The following ADAMTS3 variants were observed in gnomAD, a reference collection of about 807,000 sequenced individuals.
ADAMTS3 encodes the protein A disintegrin and metalloproteinase with thrombospondin motifs 3.
A neutral mutation model predicts 129.0 loss-of-function variants in ADAMTS3; 73 were observed. The observed-to-expected ratio is 0.57, with a 90% CI of 0.47 to 0.69. The LOEUF (loss-of-function observed/expected upper bound fraction) is 0.69, where lower values mean the gene tolerates loss of function less well. Ranked by LOEUF, ADAMTS3 falls within the 30% of genes least tolerant of loss-of-function variation. The pLI is 0.00. For missense variants in ADAMTS3, 1,457 were observed against 1,514.5 expected (o/e 0.96, Z 0.63); for synonymous variants, 477 against 510.8 (o/e 0.93, Z 0.89).
chr4:72,297,347 G>C (rs1175412633), intron 18 of ADAMTS3, among the ~76,000 whole-genome samples: 1 of 152,120 alleles, frequency 6.6e-6, no homozygotes, highest in Non-Finnish European at 1.5e-5. Context: ...TAAGCATCTT[G>C]TAATGGATAA....
chr4:72,429,520 A>G (rs1722646943), intron 3 of ADAMTS3, among the ~76,000 whole-genome samples: 1 of 152,054 alleles, frequency 6.6e-6, no homozygotes, highest in South Asian at 2.1e-4. Flanking sequence ...TTGATCTTAG[A>G]CATTATTCAA....
chr4:72,353,916 T>C (rs539081892), intron 4 of ADAMTS3, among the ~76,000 whole-genome samples: 1 of 152,054 alleles, frequency 6.6e-6, no homozygotes, highest in South Asian at 2.1e-4. Flanking sequence ...GGAGTTTGCC[T>C]AATACCCCCA....
chr4:72,477,506 A>G (rs1719273681), intron 3 of ADAMTS3, among the ~76,000 whole-genome samples: 1 of 152,170 alleles, frequency 6.6e-6, no homozygotes, highest in Admixed American at 6.5e-5. Flanking sequence ...GAAAAAAGAC[A>G]CAACATACCA....
At chr4:72,465,952 A>T (rs1245873219) in intron 3 of ADAMTS3, among the ~76,000 whole-genome samples, 1 of 152,022 alleles carries the variant, frequency 6.6e-6, no homozygotes, top group Non-Finnish European at 1.5e-5. Flanking sequence ...CCATGATTGT[A>T]AGGCCTGCCC....
intron 21 of ADAMTS3, among the ~76,000 whole-genome samples, chr4:72,287,093 T>A (rs2109766382): frequency 6.6e-6 from 1 of 152,018 alleles, no homozygotes; most frequent in South Asian, 2.1e-4. Context: ...GGTGGAGCGC[T>A]TATGAATGCA....
intron 3 of ADAMTS3, among the ~76,000 whole-genome samples, chr4:72,492,716 C>A (rs79536660): frequency 6.6e-6 from 1 of 151,558 alleles, no homozygotes; most frequent in East Asian, 1.9e-4. Context: ...CAGATAGGAC[C>A]CTTTAGCTCT....
chr4:72,518,928 A>C (rs182044699), intron 3 of ADAMTS3, among the ~76,000 whole-genome samples: 239 of 152,192 alleles, frequency 1.6e-3, no homozygotes, highest in African/African-American at 5.3e-3. Flanking sequence ...GTTTCTTCCT[A>C]GTCTCAATGG....
Position 72,539,108 on chromosome 4 carries a change from T to C in ADAMTS3, c.504+9370A>G, listed in dbSNP as rs190242892. Among the ~76,000 whole-genome samples, 283 of 152,154 alleles carry C rather than the reference T, an allele frequency of 1.9e-3. 1 individual carries two copies. The highest frequency in any genetic ancestry group is 5.3e-3 in the African/African-American group (221 of 41,534). On this transcript the variant is annotated intron_variant, in intron 3 of 21. Transcript: ENST00000286657. The stretch of plus-strand genomic sequence containing the variant: ...GGCAAAAGCTTCACAACATTGAATT[T>C]TGCAATAGATTTCACATCAAAGGCA...
intron 4 of ADAMTS3, among the ~76,000 whole-genome samples, chr4:72,383,025 A>G (rs1004625016): frequency 6.6e-6 from 1 of 152,194 alleles, no homozygotes; most frequent in Non-Finnish European, 1.5e-5. Flanking sequence ...TGAATTTATA[A>G]TAAATAAGCA....
At position 72,525,832 on chromosome 4, in the gene ADAMTS3, T is replaced by C. The variant is rs567308432; in HGVS notation, c.504+22646A>G. Among the ~76,000 whole-genome samples the C allele has an allele frequency of 2.6e-5, 4 of 152,262 alleles. No homozygotes were observed. The South Asian group carries it at 8.3e-4, about 32-fold the overall frequency. Reference sequence around the variant, plus strand: ...CTCTTATAACTAAAGAGTGTGATATTTGCATTTTCTAGCAGTGGAAATTCC... The same window carrying C: ...CTCTTATAACTAAAGAGTGTGATATCTGCATTTTCTAGCAGTGGAAATTCC... On this transcript the variant is annotated intron_variant, in intron 3 of 21. Coordinates refer to ENST00000286657, the MANE Select transcript of ADAMTS3 (RefSeq NM_014243.3).
chr4:72,312,535 T>A, intron 12 of ADAMTS3, 69 bp from the exon 13 acceptor site: 1 of 1,501,968 alleles, frequency 6.7e-7, no homozygotes, highest in Non-Finnish European at 9.0e-7. Context: ...GCAGACACAG[T>A]GCTTGAGGGC....
intron 4 of ADAMTS3, among the ~76,000 whole-genome samples, chr4:72,367,412 G>A (rs1720895145): frequency 6.6e-6 from 1 of 151,986 alleles, no homozygotes; most frequent in South Asian, 2.1e-4. Context: ...TGTCAAACAA[G>A]TGCAGATTTA....
At chr4:72,418,386 T>C (rs1365665517) in intron 3 of ADAMTS3, among the ~76,000 whole-genome samples, 1 of 152,150 alleles carries the variant, frequency 6.6e-6, no homozygotes, top group Non-Finnish European at 1.5e-5. Flanking sequence ...GGAGCAAGCA[T>C]GTAAGGGCTC....
chr4:72,319,282 T>A, intron 9 of ADAMTS3, 50 bp downstream of exon 9: 1 of 1,606,428 alleles, frequency 6.2e-7, no homozygotes, highest in Non-Finnish European at 8.5e-7. Context: ...CAGTTTCATG[T>A]CTGTAGGCTA....
intron 4 of ADAMTS3, among the ~76,000 whole-genome samples, chr4:72,372,134 C>T (rs1241310893): frequency 2.0e-5 from 3 of 152,022 alleles, no homozygotes; most frequent in Non-Finnish European, 4.4e-5. Flanking sequence ...AAGGTATAGC[C>T]TCTAATGCCT....
intron 5 of ADAMTS3, among the ~76,000 whole-genome samples, chr4:72,323,641 C>A (rs1719623318): frequency 6.6e-6 from 1 of 152,076 alleles, no homozygotes; most frequent in Non-Finnish European, 1.5e-5. Context: ...GCTTGAAAGT[C>A]CTACAAGATA....
At chr4:72,298,193 G>T in intron 18 of ADAMTS3, 84 bp downstream of exon 18, 2 of 1,142,340 alleles carry the variant, frequency 1.8e-6, no homozygotes, top group South Asian at 1.9e-5. Flanking sequence ...TTGTGGCCTC[G>T]ATTAGAGACA....
intron 3 of ADAMTS3, among the ~76,000 whole-genome samples, chr4:72,544,230 G>A (rs1368269299): frequency 1.3e-5 from 2 of 152,064 alleles, no homozygotes; most frequent in Non-Finnish European, 2.9e-5. Context: ...TAGAGGCAGA[G>A]AATTCAGCCT....
In ADAMTS3 at chr4:72,284,846, A is replaced by G. The variant is rs562391416; in HGVS notation, c.3050-1142T>C. Among the ~76,000 whole-genome samples, 10 of 152,336 alleles carry G rather than the reference A, an allele frequency of 6.6e-5. No individual in the cohort carries two copies. The South Asian group carries it at 1.7e-3, about 25-fold the overall frequency. On this transcript the variant is annotated intron_variant, in intron 21 of 21. Coordinates refer to ENST00000286657, the MANE Select transcript of ADAMTS3 (RefSeq NM_014243.3). ...TAATCCAAATATTAAGCTCATAAAA[A>G]TGTTAACTTGTGCATAGTTTTAGTC...
Sources: allele counts gnomAD v4.1 joint callset (sites outside exome capture counted in the v4.1 genomes callset), GRCh38; gene constraint gnomAD v4.1.1; transcripts MANE v1.5; gene names NCBI Gene and HGNC (gene_info 2026-07-23, HGNC 2026-07-21).